MAPK10: variants seen among roughly 807,000 people sequenced by gnomAD.
MAPK10 encodes the protein mitogen-activated protein kinase 10.
MAPK10 carries 25 observed loss-of-function variants against 59.3 expected under a neutral mutation model. The observed-to-expected ratio is 0.42, with a 90% CI of 0.31 to 0.59. MAPK10 has a LOEUF of 0.59. Ranked by LOEUF, MAPK10 falls within the 20% of genes least tolerant of loss-of-function variation. The pLI, the probability that MAPK10 is intolerant of heterozygous loss-of-function variation, is 0.15. For synonymous variants in MAPK10, 190 were observed against 200.5 expected (o/e 0.95, Z 0.44); for missense variants, 351 against 568.9 (o/e 0.62, Z 3.90).
chr4:86,126,437 A>T (rs1165930212), intron 4 of MAPK10, among the ~76,000 whole-genome samples: 2 of 152,066 alleles, frequency 1.3e-5, no homozygotes, highest in African/African-American at 4.8e-5. Flanking sequence ...ATCCTGAAGG[A>T]CTTAGCTCTG....
At chr4:86,147,331 CT>C (rs2065247995) in intron 4 of MAPK10, among the ~76,000 whole-genome samples, 1 of 152,120 alleles carries the variant, frequency 6.6e-6, no homozygotes, top group East Asian at 1.9e-4. Flanking sequence ...CTTAAGCGAT[CT>C]GCCTGCCTCA....
At chr4:86,360,068 G>A (rs528120293), upstream of MAPK10, 18 of 985,876 alleles carry the variant, frequency 1.8e-5, no homozygotes, top group African/African-American at 2.6e-4. Context: ...CCTACCAGAG[G>A]AGACGGACAG....
At chr4:86,327,065 G>C (rs550876165) in intron 2 of MAPK10, 1 of 152,240 alleles carries the variant, frequency 6.6e-6, no homozygotes, top group Admixed American at 6.5e-5. Flanking sequence ...CGACCTCCTA[G>C]GCTCAAGCCA....
At chr4:86,307,068 A>G (rs2095581882) in intron 2 of MAPK10, among the ~76,000 whole-genome samples, 1 of 152,172 alleles carries the variant, frequency 6.6e-6, no homozygotes, top group African/African-American at 2.4e-5. Flanking sequence ...AACTAGGGTG[A>G]TATACTGGGG....
intron 2 of MAPK10, among the ~76,000 whole-genome samples, chr4:86,245,548 G>A (rs1330868346): frequency 1.3e-5 from 2 of 152,016 alleles, no homozygotes. Flanking sequence ...TGCCCAGGCT[G>A]GTCTCAAACT....
rs115915857 is a variant in MAPK10, at chr4:86,533,494, A to C, written c.-263+60416T>G. Among the ~76,000 whole-genome samples the C allele has an allele frequency of 9.0e-3, 1,360 of 150,708 alleles. 13 individuals carry two copies. Among genetic ancestry groups the C allele is most frequent in the Non-Finnish European group, 0.015 (1,040 of 67,492 alleles). ...TACAGTACTGAGGGTTCAGTAGAAA[A>C]CCAAAATGGAGATCTCCACCAGTAC... On this transcript the variant is annotated intron_variant, in intron 1 of 4. Transcript: ENST00000502302.
intron 2 of MAPK10, among the ~76,000 whole-genome samples, chr4:86,226,681 C>T (rs2090680758): frequency 6.6e-6 from 1 of 152,154 alleles, no homozygotes; most frequent in Admixed American, 6.5e-5. Context: ...TTAATTTCTC[C>T]TCAAGAATTT....
intron 1 of MAPK10, among the ~76,000 whole-genome samples, chr4:86,565,346 ATT>A (rs1760985399): frequency 6.6e-6 from 1 of 152,214 alleles, no homozygotes; most frequent in African/African-American, 2.4e-5. Context: ...TTACTTTGTA[ATT>A]TAAGAGTAGA....
At chr4:86,267,332 C>T (rs1332985388) in intron 2 of MAPK10, among the ~76,000 whole-genome samples, 2 of 152,122 alleles carry the variant, frequency 1.3e-5, no homozygotes, top group African/African-American at 2.4e-5. Context: ...TTCTATTTAT[C>T]CTTGTCCTCC....
chr4:86,386,187 G>A (rs762317071), intron 1 of MAPK10, among the ~76,000 whole-genome samples: 17 of 152,186 alleles, frequency 1.1e-4, no homozygotes, highest in Non-Finnish European at 1.8e-4. Context: ...AGTACATTCT[G>A]TTAGAAGAGA....
At chr4:86,547,288 C>T (rs1759280583) in intron 1 of MAPK10, among the ~76,000 whole-genome samples, 1 of 152,298 alleles carries the variant, frequency 6.6e-6, no homozygotes, top group African/African-American at 2.4e-5. Context: ...AAGGCCGGAG[C>T]CGGCTCCCTC....
At chr4:86,466,552 G>T (rs1401796109) in intron 1 of MAPK10, among the ~76,000 whole-genome samples, 1 of 152,062 alleles carries the variant, frequency 6.6e-6, no homozygotes, top group Non-Finnish European at 1.5e-5. Context: ...AGCTTGTCTT[G>T]GCAGTGTAAT....
chr4:86,152,144 C>T (rs772970723), intron 4 of MAPK10: 2 of 152,114 alleles, frequency 1.3e-5, no homozygotes, highest in African/African-American at 4.8e-5. Flanking sequence ...ATTCTGATGT[C>T]CTTGGTGAAC....
chr4:86,121,742 C>CT (rs1420626249), intron 4 of MAPK10, among the ~76,000 whole-genome samples: 2 of 152,028 alleles, frequency 1.3e-5, no homozygotes, highest in Non-Finnish European at 1.5e-5. Context: ...AAAAATCTCC[C>CT]TAAGTAATTT....
At chr4:86,233,145 T>TA (rs2091819872) in intron 2 of MAPK10, among the ~76,000 whole-genome samples, 1 of 152,178 alleles carries the variant, frequency 6.6e-6, no homozygotes, top group Admixed American at 6.5e-5. Context: ...ACAAAAAAGC[T>TA]CTTGGCATCA....
chr4:86,018,696 C>A (rs1402701148), intron 13 of MAPK10, among the ~76,000 whole-genome samples: 1 of 152,192 alleles, frequency 6.6e-6, no homozygotes, highest in Non-Finnish European at 1.5e-5. Flanking sequence ...CCTAAGCAAT[C>A]TGAGTGGTAA....
At chr4:86,089,320 T>C (rs748669435) in intron 9 of MAPK10, 2 of 1,331,374 alleles carry the variant, frequency 1.5e-6, no homozygotes, top group Non-Finnish European at 2.2e-6. Flanking sequence ...AACACAGGAA[T>C]AGAACAACAA....
Position 86,070,654 on chromosome 4 carries a change from T to C in MAPK10, c.803-2699A>G, listed in dbSNP as rs561818189. Among the ~76,000 whole-genome samples the C allele has an allele frequency of 1.6e-3, 241 of 151,190 alleles. 2 individuals carry two copies. The highest frequency in any genetic ancestry group is 0.014 in the Admixed American group (216 of 15,184). ...AGAATATGCGGTGTTTGGTTTTTTGTTCTTGCAATAGTTTACTGAGAATGA... is the reference window on the plus strand; with the variant it reads ...AGAATATGCGGTGTTTGGTTTTTTGCTCTTGCAATAGTTTACTGAGAATGA... On this transcript the variant is annotated intron_variant, in intron 9 of 13. Transcript: ENST00000641462.
chr4:86,520,231 C>T (rs996053385), intron 1 of MAPK10, among the ~76,000 whole-genome samples: 1 of 152,174 alleles, frequency 6.6e-6, no homozygotes, highest in African/African-American at 2.4e-5. Context: ...TTAGATTTAT[C>T]TTCTTCCGTG....
Sources: allele counts gnomAD v4.1 joint callset (sites outside exome capture counted in the v4.1 genomes callset), GRCh38; gene constraint gnomAD v4.1.1; transcripts MANE v1.5; gene names NCBI Gene and HGNC (gene_info 2026-07-23, HGNC 2026-07-21).